Variants in GFPT1 observed in about 807,000 individuals in gnomAD.
GFPT1 encodes glutamine--fructose-6-phosphate transaminase 1, also known as glutamine--fructose-6-phosphate aminotransferase [isomerizing] 1.
A neutral mutation model predicts 92.0 loss-of-function variants in GFPT1; 40 were observed. The observed-to-expected ratio is 0.43, with a 90% confidence interval of 0.34 to 0.57. The LOEUF (loss-of-function observed/expected upper bound fraction) is 0.57. Ranked by LOEUF, GFPT1 falls within the 20% of genes least tolerant of loss-of-function variation. The pLI is 0.02. For synonymous variants in GFPT1, 269 were observed against 280.6 expected (o/e 0.96, Z 0.41); for missense variants, 448 against 869.1 (o/e 0.52, Z 6.09).
chr2:69,359,762 A>G lies in GFPT1; in HGVS notation c.350-436T>C, dbSNP rs577118309. Among the ~76,000 whole-genome samples the G allele has an allele frequency of 2.0e-5, 3 of 152,358 alleles. No individual in the cohort carries two copies. The East Asian group carries it at 5.8e-4, about 29-fold the overall frequency. On this transcript the variant is annotated intron_variant, in intron 4 of 19. Coordinates refer to ENST00000357308, the MANE Select transcript of GFPT1 (RefSeq NM_001244710.2). ...TTTAAAGAGAAGTCCTTTCAAACTA[A>G]AACAATAATCTGATTTACACTAAAT... is the stretch of plus-strand genomic sequence containing the variant.
chr2:69,338,613 T>C, intron 13 of GFPT1, 48 bp from the exon 14 acceptor site: 1 of 1,602,722 alleles, frequency 6.2e-7, no homozygotes, highest in Non-Finnish European at 8.5e-7. Flanking sequence ...TCAAATACTC[T>C]TTCATCGGAC....
In GFPT1 at chr2:69,338,530, A is replaced by C. The variant is rs775035676; in HGVS notation, c.1239T>G (p.Pro413=). ...RQVLEELTEL[P]VMVELASDFL... is the part of the protein sequence containing the mutation. ...AGTCACTTGCTAGTTCCACCATCAC[A>C]GGCAACTCAGTCAGCTCCTCAAGAA... The change falls in exon 14 of 20, where the codon CCT becomes CCG. Residue 413 remains proline (P), a synonymous_variant. Transcript: ENST00000357308. 9.9e-6 allele frequency: 16 copies of C among 1,613,422 alleles called. No homozygotes were observed. Among genetic ancestry groups the C allele is most frequent in the Non-Finnish European group, 1.4e-5 (16 of 1,179,336 alleles).
intron 13 of GFPT1, among the ~76,000 whole-genome samples, chr2:69,340,894 G>A (rs1290079502): frequency 2.6e-5 from 4 of 152,090 alleles, no homozygotes; most frequent in Non-Finnish European, 5.9e-5. Context: ...TCTGAATACA[G>A]GGCTCATTCA....
At chr2:69,326,862 T>C (rs573059210) in intron 19 of GFPT1, 52 bp downstream of exon 19, 2 of 1,538,810 alleles carry the variant, frequency 1.3e-6, no homozygotes, top group Non-Finnish European at 9.0e-7. Context: ...AAAATCAGAA[T>C]GTATCCAGGT....
intron 15 of GFPT1, among the ~76,000 whole-genome samples, chr2:69,335,349 A>G (rs1276413875): frequency 2.0e-5 from 3 of 152,202 alleles, no homozygotes; most frequent in Non-Finnish European, 2.9e-5. Flanking sequence ...TTTGAAAATC[A>G]TCATCATAAA....
At position 69,371,663 on chromosome 2, in the gene GFPT1, C is replaced by T. The variant is rs956519520; in HGVS notation, c.116-1555G>A. Among the ~76,000 whole-genome samples, 6 of 148,590 alleles carry T rather than the reference C, an allele frequency of 4.0e-5. No individual in the cohort carries two copies. In the East Asian group the frequency reaches 8.1e-4, roughly 20 times the overall value. On this transcript the variant is annotated intron_variant, in intron 2 of 19. Transcript: ENST00000357308. ...CCATCCTGGCTAACATGGTGAAACCCCGTCTCTACTAAAAATACAAAAAAT... is the reference window on the plus strand; with the variant it reads ...CCATCCTGGCTAACATGGTGAAACCTCGTCTCTACTAAAAATACAAAAAAT...
chr2:69,354,262 T>C lies in GFPT1; in HGVS notation c.736A>G (p.Arg246Gly), dbSNP rs749889759. ...KFTRWGSQGE[R>G]GKDKKGSCNL... is the part of the protein sequence containing the mutation. ...CCATGCAGAGTGCATTTCCCACCTCTTTCTCCCTGTGATCCCCACCGTGTG... is the reference window on the plus strand; with the variant it reads ...CCATGCAGAGTGCATTTCCCACCTCCTTCTCCCTGTGATCCCCACCGTGTG... Residue 246 changes from arginine (R) to glycine (G), a missense_variant, in exon 9 of 20, where the codon AGA becomes GGA. This residue lies in a region of GFPT1 where 118 missense variants were observed against 192.9 expected (regional missense o/e 0.61). Coordinates refer to ENST00000357308, the MANE Select transcript of GFPT1 (RefSeq NM_001244710.2). 1 of 1,586,820 alleles carries C rather than the reference T, an allele frequency of 6.3e-7. No homozygotes were observed. Among genetic ancestry groups the C allele is most frequent in the Non-Finnish European group, 8.5e-7 (1 of 1,172,134 alleles).
intron 6 of GFPT1, among the ~76,000 whole-genome samples, chr2:69,356,923 G>A (rs1213248188): frequency 2.0e-5 from 3 of 152,060 alleles, no homozygotes; most frequent in African/African-American, 7.2e-5. Flanking sequence ...AATAGAGACA[G>A]GGTTTCACCA....
intron 3 of GFPT1, among the ~76,000 whole-genome samples, chr2:69,364,547 T>C (rs971044605): frequency 6.6e-6 from 1 of 152,242 alleles, no homozygotes; most frequent in Non-Finnish European, 1.5e-5. Context: ...TGACTGCAAT[T>C]TCTTTGGTCT....
intron 9 of GFPT1, among the ~76,000 whole-genome samples, chr2:69,352,697 A>G (rs1671240971): frequency 6.6e-6 from 1 of 151,472 alleles, no homozygotes; most frequent in Non-Finnish European, 1.5e-5. Context: ...TTTTTTCTCC[A>G]AATATTGATA....
At chr2:69,341,377 T>C (rs958211037) in intron 13 of GFPT1, among the ~76,000 whole-genome samples, 2 of 152,142 alleles carry the variant, frequency 1.3e-5, no homozygotes, top group African/African-American at 4.8e-5. Context: ...GCAAAGCTTG[T>C]TGAGATGCAA....
intron 10 of GFPT1, among the ~76,000 whole-genome samples, chr2:69,348,805 T>C (rs550501679): frequency 3.8e-4 from 58 of 152,272 alleles, no homozygotes; most frequent in Middle Eastern, 3.4e-3. Context: ...CTAATAAAGA[T>C]TTCTCCTTCA....
chr2:69,370,202 C>A lies in GFPT1; in HGVS notation c.116-94G>T, dbSNP rs558828037. The A allele has an allele frequency of 1.5e-5, 12 of 776,560 alleles. No homozygotes were observed. The East Asian group carries it at 2.3e-4, about 15-fold the overall frequency. 48.1% of individuals were successfully genotyped at this position (776,560 alleles called of 1,614,324 possible). A position where few individuals can be genotyped will look rare whatever the true frequency, so the allele number is the denominator to read the frequency against. On this transcript the variant is annotated intron_variant, in intron 2 of 19. Transcript: ENST00000357308. ...AAAATTTTTAATTAAAAAATACATT[C>A]TCATCTAATTAATTCACTAATGTAT... is the stretch of plus-strand genomic sequence containing the variant.
chr2:69,363,000 C>T (rs559152228), intron 4 of GFPT1, among the ~76,000 whole-genome samples: 32 of 152,020 alleles, frequency 2.1e-4, no homozygotes, highest in African/African-American at 7.7e-4. Flanking sequence ...AATCCCAGCA[C>T]TTTGGGAGGC....
rs1671815436 is a variant in GFPT1, at chr2:69,374,126, A to C, written c.8-13T>G. On this transcript the variant is annotated splice_polypyrimidine_tract_variant and intron_variant, in intron 1 of 19. Transcript: ENST00000357308. Reference sequence around the variant, plus strand: ...TAAGCAAATATACCTGCAAATAAACAAATATTTAATGAAAAATTCTGATTT... The same window carrying C: ...TAAGCAAATATACCTGCAAATAAACCAATATTTAATGAAAAATTCTGATTT... 8.1e-7 allele frequency: 1 copy of C among 1,234,240 alleles called. No individual in the cohort carries two copies. Among genetic ancestry groups the C allele is most frequent in the African/African-American group, 1.5e-5 (1 of 67,390 alleles). 76.5% of individuals were successfully genotyped at this position (1,234,240 alleles called of 1,614,324 possible). A position where few individuals can be genotyped will look rare whatever the true frequency, so the allele number is the denominator to read the frequency against.
chr2:69,377,436 G>A (rs995447604), intron 1 of GFPT1, among the ~76,000 whole-genome samples: 6 of 149,516 alleles, frequency 4.0e-5, no homozygotes, highest in Non-Finnish European at 8.9e-5. Flanking sequence ...GGATCACGAG[G>A]TCAGGAGTTC....
chr2:69,372,889 T>C (rs112880914), intron 2 of GFPT1, among the ~76,000 whole-genome samples: 1 of 152,344 alleles, frequency 6.6e-6, no homozygotes, highest in African/African-American at 2.4e-5. Flanking sequence ...CACTGGTGTC[T>C]AGAAACTTGG....
chr2:69,373,211 T>A (rs1018093448), intron 2 of GFPT1, among the ~76,000 whole-genome samples: 2 of 152,208 alleles, frequency 1.3e-5, no homozygotes, highest in African/African-American at 4.8e-5. Context: ...CTGTGAGTCC[T>A]CCTAGGGAAT....
chr2:69,326,346 C>T (rs543575220), intron 19 of GFPT1, 113 bp from the exon 20 acceptor site: 2 of 692,592 alleles, frequency 2.9e-6, no homozygotes, highest in African/African-American at 1.8e-5. Flanking sequence ...ACAATACATT[C>T]ATTAACCATC....
Sources: allele counts gnomAD v4.1 joint callset (sites outside exome capture counted in the v4.1 genomes callset), GRCh38; gene constraint gnomAD v4.1.1; regional missense constraint gnomAD v4.1.1; transcripts MANE v1.5; gene names NCBI Gene and HGNC (gene_info 2026-07-23, HGNC 2026-07-21).